Variants in RNLS observed in about 807,000 individuals in gnomAD.
RNLS encodes the protein renalase.
RNLS carries 39 observed loss-of-function variants against 39.8 expected under a neutral mutation model. The observed-to-expected ratio is 0.98, with a 90% CI of 0.76 to 1.28. RNLS has a LOEUF of 1.28. RNLS is among the 50% of genes most tolerant of loss of function. RNLS has a pLI of 0.00. For synonymous variants in RNLS, 147 were observed against 150.7 expected, an observed-to-expected ratio of 0.98 and a Z score of 0.18; for missense variants, 410 against 413.3, an observed-to-expected ratio of 0.99 and a Z score of 0.07.
At chr10:88,544,101 T>C (rs1848176689) in intron 4 of RNLS, among the ~76,000 whole-genome samples, 3 of 152,152 alleles carry the variant, frequency 2.0e-5, no homozygotes, top group Non-Finnish European at 4.4e-5. Flanking sequence ...ATCAGGTAAA[T>C]GGGATTATAA....
At chr10:88,275,947 G>A (rs546751090) in intron 6 of RNLS, among the ~76,000 whole-genome samples, 102 of 152,156 alleles carry the variant, frequency 6.7e-4, no homozygotes, top group African/African-American at 2.2e-3. Context: ...CCAGCTATTC[G>A]GGAGGCTGAG....
chr10:88,265,986 G>C, the RNLS span, among the ~76,000 whole-genome samples: 1 of 152,186 alleles, frequency 6.6e-6, no homozygotes, highest in Non-Finnish European at 1.5e-5. Context: ...GCATGAGGCA[G>C]CTCACATTAG....
At chr10:88,365,360 C>T (rs1022837284) in intron 4 of RNLS, among the ~76,000 whole-genome samples, 1 of 117,452 alleles carries the variant, frequency 8.5e-6, no homozygotes, top group Non-Finnish European at 1.8e-5. Flanking sequence ...CTAGGTCCCA[C>T]ATATTTTGGC....
chr10:88,554,473 C>G (rs1848754067), intron 4 of RNLS, among the ~76,000 whole-genome samples: 1 of 151,964 alleles, frequency 6.6e-6, no homozygotes, highest in South Asian at 2.1e-4. Flanking sequence ...TGCTGCCTAG[C>G]TATCCTACTA....
In RNLS at chr10:88,403,439, C is replaced by T. The variant is rs548783335; in HGVS notation, c.527-40714G>A. Among the ~76,000 whole-genome samples, 9 of 151,986 alleles carry T rather than the reference C, an allele frequency of 5.9e-5. No homozygotes were observed. The East Asian group carries it at 1.7e-3, about 30-fold the overall frequency. On this transcript the variant is annotated intron_variant, in intron 4 of 6. Transcript: ENST00000331772. The stretch of plus-strand genomic sequence containing the variant: ...TTTTGTTATGGTTTAAAACAAGTAC[C>T]TTTATCTTGGAGAAATATACACTGA...
At chr10:88,325,943 C>T (rs1846568451) in intron 5 of RNLS, among the ~76,000 whole-genome samples, 1 of 152,160 alleles carries the variant, frequency 6.6e-6, no homozygotes, top group Admixed American at 6.5e-5. Flanking sequence ...CTTCGCTCCT[C>T]ACTCTTTTCT....
chr10:88,583,168 C>T lies in RNLS; in HGVS notation c.23G>A (p.Gly8Asp). 5 of 1,613,990 alleles carry T rather than the reference C, an allele frequency of 3.1e-6. No homozygotes were observed. Among genetic ancestry groups the T allele is most frequent in the Non-Finnish European group, 4.2e-6 (5 of 1,179,938 alleles). The change falls in exon 1 of 7, where the codon GGC becomes GAC. Residue 8 changes from glycine to aspartate, a missense_variant. Coordinates refer to ENST00000331772, the MANE Select transcript of RNLS (RefSeq NM_001031709.3). MAQVLIV[G>D]AGMTGSLCAA... ...GCACAAGCTTCCTGTCATCCCGGCG[C>T]CCACGATCAGCACCTGCGCCATGGC...
rs1848517985 is a variant in RNLS, at chr10:88,349,348, G to T, written c.700+13204C>A. Among the ~76,000 whole-genome samples, 4 of 152,164 alleles carry T rather than the reference G, an allele frequency of 2.6e-5. No individual in the cohort carries two copies. The South Asian group carries it at 8.3e-4, about 32-fold the overall frequency. ...TTAGATGTAAATCTTTCCCCTTGAG[G>T]ATAACTTGACAGGGAAACTAGAGGC... On this transcript the variant is annotated intron_variant, in intron 5 of 6. Coordinates refer to ENST00000331772, the MANE Select transcript of RNLS (RefSeq NM_001031709.3).
At chr10:88,338,645 C>G (rs1378389186) in intron 5 of RNLS, among the ~76,000 whole-genome samples, 1 of 151,894 alleles carries the variant, frequency 6.6e-6, no homozygotes. Flanking sequence ...CTCTTGAGCA[C>G]GAGAGAACAC....
At chr10:88,339,522 T>C (rs1337309899) in intron 5 of RNLS, among the ~76,000 whole-genome samples, 1 of 152,170 alleles carries the variant, frequency 6.6e-6, no homozygotes, top group Non-Finnish European at 1.5e-5. Flanking sequence ...CTCTAAACTT[T>C]AGTTTTCTCA....
the RNLS span, among the ~76,000 whole-genome samples, chr10:88,220,917 C>T: frequency 6.6e-6 from 1 of 152,102 alleles, no homozygotes; most frequent in Non-Finnish European, 1.5e-5. Context: ...GCAAGGAAAC[C>T]TGTGTTGGGA....
chr10:88,532,651 A>T (rs1051498334), intron 4 of RNLS, among the ~76,000 whole-genome samples: 1 of 152,098 alleles, frequency 6.6e-6, no homozygotes, highest in Non-Finnish European at 1.5e-5. Flanking sequence ...AAACAGTTAA[A>T]CCATCGTAAA....
chr10:88,451,844 C>A (rs948769267), intron 4 of RNLS, among the ~76,000 whole-genome samples: 2 of 152,162 alleles, frequency 1.3e-5, no homozygotes, highest in African/African-American at 2.4e-5. Flanking sequence ...TTCCTTTCTT[C>A]TCCGATACTT....
chr10:88,324,699 G>A (rs1020249222), intron 5 of RNLS, among the ~76,000 whole-genome samples: 1 of 152,096 alleles, frequency 6.6e-6, no homozygotes, highest in Non-Finnish European at 1.5e-5. Context: ...CTGCACAGGT[G>A]CCACCTGAAT....
At chr10:88,413,810 C>G (rs528657596) in intron 4 of RNLS, among the ~76,000 whole-genome samples, 55 of 152,232 alleles carry the variant, frequency 3.6e-4, no homozygotes, top group African/African-American at 1.2e-3. Context: ...ATTTTATTCT[C>G]TATTACTTTT....
intron 4 of RNLS, among the ~76,000 whole-genome samples, chr10:88,381,409 A>AAATAAAAT (rs147778701): frequency 6.6e-6 from 1 of 151,608 alleles, no homozygotes; most frequent in African/African-American, 2.4e-5. Flanking sequence ...AGTTTTTTAA[A>AAATAAAAT]AATACAATAT....
At chr10:88,407,639 G>A (rs1389394298) in intron 4 of RNLS, among the ~76,000 whole-genome samples, 1 of 152,032 alleles carries the variant, frequency 6.6e-6, no homozygotes, top group Non-Finnish European at 1.5e-5. Context: ...AAGTAAAAGG[G>A]TAAATAAAAC....
At chr10:88,270,303 G>A (rs1219940943), downstream of RNLS, among the ~76,000 whole-genome samples, 2 of 152,086 alleles carry the variant, frequency 1.3e-5, no homozygotes, top group Non-Finnish European at 2.9e-5. Context: ...CCTTCTCCTT[G>A]AGCATCAGGT....
chr10:88,576,162 C>G (rs1225700444), intron 3 of RNLS, among the ~76,000 whole-genome samples: 1 of 152,202 alleles, frequency 6.6e-6, no homozygotes, highest in Admixed American at 6.5e-5. Flanking sequence ...ATAATGCTCT[C>G]ACTCTTTCTT....
Sources: allele counts gnomAD v4.1 joint callset (sites outside exome capture counted in the v4.1 genomes callset), GRCh38; gene constraint gnomAD v4.1.1; transcripts MANE v1.5; gene names NCBI Gene and HGNC (gene_info 2026-07-23, HGNC 2026-07-21).